Variants in FOXN3 observed in about 807,000 individuals in gnomAD.
FOXN3 encodes forkhead box protein N3.
A neutral mutation model predicts 38.4 loss-of-function variants in FOXN3; 7 were observed. The ratio of observed to expected loss-of-function variants is 0.18; its 90% CI spans 0.10 to 0.34. The LOEUF is 0.34. Among genes scored for constraint, FOXN3 ranks in the 10% least tolerant of loss-of-function variants. The pLI is 1.00. For synonymous variants in FOXN3, 230 were observed against 242.2 expected, an observed-to-expected ratio of 0.95 and a Z score of 0.47; for missense variants, 456 against 613.4, an observed-to-expected ratio of 0.74 and a Z score of 2.71.
intron 2 of FOXN3, among the ~76,000 whole-genome samples, chr14:89,357,710 G>A (rs1392063151): frequency 6.6e-6 from 1 of 152,158 alleles, no homozygotes; most frequent in African/African-American, 2.4e-5. Flanking sequence ...TTCAGTAATG[G>A]TGTGGGATCA....
chr14:89,542,547 T>G (rs1894811011), intron 1 of FOXN3, among the ~76,000 whole-genome samples: 1 of 152,226 alleles, frequency 6.6e-6, no homozygotes, highest in Non-Finnish European at 1.5e-5. Flanking sequence ...TCGTCATTGC[T>G]TTTGTAGAAC....
rs577974662 is a variant in FOXN3, at chr14:89,423,049, C to T, written c.-14-10559G>A. The stretch of plus-strand genomic sequence containing the variant: ...ATTCCGTCAACAAGTAAGCATCTAG[C>T]TCCTCTATACCCAGTGAAGAGTGGA... On this transcript the variant is annotated intron_variant, in intron 1 of 6. Coordinates refer to the FOXN3 transcript ENST00000345097. Among the ~76,000 whole-genome samples the T allele has an allele frequency of 3.1e-4, 47 of 152,344 alleles. 1 individual carries two copies. Among genetic ancestry groups the T allele is most frequent in the Non-Finnish European group, 4.7e-4 (32 of 68,028 alleles).
At chr14:89,524,505 A>G (rs938789731) in intron 1 of FOXN3, among the ~76,000 whole-genome samples, 2 of 57,248 alleles carry the variant, frequency 3.5e-5, no homozygotes, top group Admixed American at 1.3e-4. Context: ...AAAATTAGGG[A>G]AAAAAATCAA....
At chr14:89,612,669 C>T (rs1168680703) in intron 1 of FOXN3, among the ~76,000 whole-genome samples, 3 of 151,958 alleles carry the variant, frequency 2.0e-5, no homozygotes, top group African/African-American at 2.4e-5. Flanking sequence ...TGGTACACAC[C>T]TGTGGTCCCA....
intron 2 of FOXN3, 111 bp from the exon 3 acceptor site, chr14:89,350,919 T>C (rs963495937): frequency 2.1e-5 from 17 of 795,774 alleles, no homozygotes; most frequent in Non-Finnish European, 3.1e-5. Context: ...TTCTCATTTG[T>C]TGACTGTTTG....
At chr14:89,584,807 G>A (rs756734695) in intron 1 of FOXN3, among the ~76,000 whole-genome samples, 7 of 151,966 alleles carry the variant, frequency 4.6e-5, no homozygotes, top group South Asian at 4.2e-4. Flanking sequence ...CTGCCTCCCG[G>A]GTTCAAACAA....
At chr14:89,460,527 G>A (rs934750281) in intron 1 of FOXN3, among the ~76,000 whole-genome samples, 9 of 152,194 alleles carry the variant, frequency 5.9e-5, no homozygotes, top group Non-Finnish European at 1.0e-4. Flanking sequence ...CTCTGCCGGG[G>A]AGGAGGAACG....
intron 4 of FOXN3, among the ~76,000 whole-genome samples, chr14:89,268,652 G>C (rs1313885114): frequency 6.6e-6 from 1 of 152,130 alleles, no homozygotes; most frequent in East Asian, 1.9e-4. Flanking sequence ...CAGGGCTCGT[G>C]AGGCCAGCAC....
At chr14:89,565,093 C>CAAAA (rs59821937) in intron 1 of FOXN3, among the ~76,000 whole-genome samples, 3 of 52,916 alleles carry the variant, frequency 5.7e-5, no homozygotes, top group Non-Finnish European at 7.2e-5. Context: ...GAGCTCGTCT[C>CAAAA]AAAAAAAAAA....
rs537314361 is a variant in FOXN3 at position 89,177,927 on chromosome 14, T to C, written c.851+2774A>G. On this transcript the variant is annotated intron_variant, in intron 5 of 5. Coordinates refer to ENST00000557258, the MANE Select transcript of FOXN3 (RefSeq NM_005197.4). ...TGGTAGCTGCCTCCTGCAATGACTC[T>C]CTCCATGATACCCTGAGTCATCTTT... 2.6e-5 allele frequency among the ~76,000 whole-genome samples: 4 copies of C among 152,270 alleles called. No individual in the cohort carries two copies. In the East Asian group the frequency reaches 7.7e-4, roughly 29 times the overall value.
At chr14:89,402,784 C>T (rs1891285583) in intron 2 of FOXN3, among the ~76,000 whole-genome samples, 2 of 152,172 alleles carry the variant, frequency 1.3e-5, no homozygotes, top group Admixed American at 6.5e-5. Flanking sequence ...AGGGAATGTG[C>T]GTCTCTGTCT....
intron 1 of FOXN3, among the ~76,000 whole-genome samples, chr14:89,511,268 TTTCTTTC>T (rs1566681392): frequency 0.028 from 953 of 34,278 alleles, 251 homozygotes; most frequent in African/African-American, 0.063. Flanking sequence ...TCTTTCTTTC[TTTCTTTC>T]TTTCTTTCTT....
At chr14:89,380,933 A>G (rs1890625879) in intron 2 of FOXN3, among the ~76,000 whole-genome samples, 1 of 152,096 alleles carries the variant, frequency 6.6e-6, no homozygotes, top group Middle Eastern at 3.4e-3. Context: ...CTTGAGGTCA[A>G]GGTTTCAAAA....
intron 4 of FOXN3, among the ~76,000 whole-genome samples, chr14:89,188,604 G>T (rs775275962): frequency 6.6e-6 from 1 of 152,182 alleles, no homozygotes; most frequent in African/African-American, 2.4e-5. Flanking sequence ...AGAAGGTCAT[G>T]GTCCCATTTT....
intron 4 of FOXN3, among the ~76,000 whole-genome samples, chr14:89,192,224 T>C (rs1887969225): frequency 1.4e-5 from 2 of 146,790 alleles, no homozygotes; most frequent in Admixed American, 1.4e-4. Flanking sequence ...ATGAATATTA[T>C]ATATTAAGTA....
At position 89,228,058 on chromosome 14, in the gene FOXN3, T is replaced by C. The variant is rs116906645; in HGVS notation, c.746-47252A>G. 4.6e-5 allele frequency among the ~76,000 whole-genome samples: 7 copies of C among 152,332 alleles called. No individual in the cohort carries two copies. The East Asian group carries it at 1.3e-3, about 29-fold the overall frequency. ...CCTGGCCAGGGAGACTGTTACTCAC[T>C]GGTGGCAGCCTGGGGAGACATTAAG... On this transcript the variant is annotated intron_variant, in intron 4 of 5. Transcript: ENST00000557258.
intron 4 of FOXN3, among the ~76,000 whole-genome samples, chr14:89,261,518 C>T (rs1053481581): frequency 9.2e-5 from 14 of 152,082 alleles, no homozygotes; most frequent in South Asian, 6.2e-4. Context: ...GGAGGGCCGG[C>T]GGCAGTGACT....
Position 89,159,650 on chromosome 14 carries a change from A to T in FOXN3, c.*2764T>A, listed in dbSNP as rs1466273688. The T allele has an allele frequency of 6.6e-6, 1 of 152,198 alleles. No homozygotes were observed. The highest frequency in any genetic ancestry group is 1.9e-4 in the East Asian group (1 of 5,184). 9.4% of individuals were successfully genotyped at this position (152,198 alleles called of 1,614,324 possible). The stretch of plus-strand genomic sequence containing the variant: ...CGGCCAGAAACAGTCCTGAATGTTG[A>T]ACCTCTGCCTTTCAGGAGAGAGGTC... On this transcript the variant is annotated 3_prime_UTR_variant, in exon 6 of 6. Transcript: ENST00000557258.
intron 1 of FOXN3, among the ~76,000 whole-genome samples, chr14:89,515,534 T>G (rs1483009157): frequency 6.6e-6 from 1 of 151,920 alleles, no homozygotes; most frequent in Non-Finnish European, 1.5e-5. Flanking sequence ...AAGACCAGCC[T>G]GGCCAACCAT....
Sources: gnomAD v4.1 joint callset for allele counts (sites outside exome capture counted in the v4.1 genomes callset) on GRCh38, gnomAD v4.1.1 for gene constraint, MANE v1.5 for transcripts, NCBI Gene and HGNC (gene_info 2026-07-23, HGNC 2026-07-21) for gene names.